Variants in DLGAP2 observed in about 807,000 individuals in gnomAD.
DLGAP2 encodes DLG associated protein 2, also known as disks large-associated protein 2.
A neutral mutation model predicts 100.3 loss-of-function variants in DLGAP2; 26 were observed. That is an observed-to-expected ratio of 0.26 (90% confidence interval 0.19 to 0.36). DLGAP2 has a LOEUF of 0.36. DLGAP2 is among the 10% of genes least tolerant of loss of function. The pLI is 1.00. For missense variants in DLGAP2, 1,858 were observed against 1,453.2 expected (o/e 1.28, Z -4.53); for synonymous variants, 886 against 630.1 (o/e 1.41, Z -6.08).
chr8:1,647,729 G>A (rs1016148113), intron 8 of DLGAP2, among the ~76,000 whole-genome samples: 1 of 152,070 alleles, frequency 6.6e-6, no homozygotes, highest in African/African-American at 2.4e-5. Context: ...CCCCTGCCGG[G>A]TCTCTCTCTC....
chr8:1,097,910 G>C (rs1235525489), intron 2 of DLGAP2, among the ~76,000 whole-genome samples: 1 of 152,212 alleles, frequency 6.6e-6, no homozygotes, highest in African/African-American at 2.4e-5. Flanking sequence ...GCGCTCAGGA[G>C]AGTCGAGCTG....
chr8:1,610,339 A>T (rs1796954278), intron 6 of DLGAP2, among the ~76,000 whole-genome samples: 1 of 151,926 alleles, frequency 6.6e-6, no homozygotes, highest in Admixed American at 6.6e-5. Flanking sequence ...TTTGAAACCA[A>T]CGAGAACAAA....
At chr8:950,725 A>G (rs1446336435) in intron 2 of DLGAP2, among the ~76,000 whole-genome samples, 2 of 148,150 alleles carry the variant, frequency 1.3e-5, no homozygotes, top group African/African-American at 5.0e-5. Context: ...GGGTTCAAGC[A>G]TTTCTCCTGC....
chr8:1,078,226 G>T (rs1020064381), intron 2 of DLGAP2, among the ~76,000 whole-genome samples: 3 of 152,250 alleles, frequency 2.0e-5, no homozygotes, highest in East Asian at 1.9e-4. Flanking sequence ...AAGAACAGTG[G>T]CTTGCACTGT....
chr8:1,640,398 C>T (rs970764950), intron 8 of DLGAP2, among the ~76,000 whole-genome samples: 17 of 152,168 alleles, frequency 1.1e-4, no homozygotes, highest in African/African-American at 4.1e-4. Flanking sequence ...ACGTCTCCAA[C>T]CCCGCAGCAC....
chr8:753,152 C>T (rs1471909795), intron 1 of DLGAP2, among the ~76,000 whole-genome samples: 1 of 152,164 alleles, frequency 6.6e-6, no homozygotes, highest in Non-Finnish European at 1.5e-5. Context: ...ACTGGTGGGA[C>T]GCAGACCTGA....
intron 2 of DLGAP2, among the ~76,000 whole-genome samples, chr8:1,237,018 C>G (rs1423407226): frequency 1.3e-4 from 19 of 149,150 alleles, no homozygotes; most frequent in African/African-American, 4.7e-4. Flanking sequence ...CTAGTTCTGT[C>G]TCACACAGAG....
intron 4 of DLGAP2, among the ~76,000 whole-genome samples, chr8:1,525,104 A>G (rs1229879729): frequency 2.0e-5 from 3 of 150,480 alleles, no homozygotes. Context: ...TCCTTTTTGT[A>G]CAGCTTCTGG....
chr8:1,112,967 TC>T (rs1001706630), intron 2 of DLGAP2, among the ~76,000 whole-genome samples: 2 of 152,198 alleles, frequency 1.3e-5, no homozygotes, highest in African/African-American at 4.8e-5. Context: ...GGGAGTCTTT[TC>T]CCCATTAATT....
chr8:1,210,881 C>G (rs1240317136), intron 2 of DLGAP2, among the ~76,000 whole-genome samples: 3 of 152,208 alleles, frequency 2.0e-5, no homozygotes, highest in Non-Finnish European at 4.4e-5. Context: ...AGATCCTCTG[C>G]CAGTCTGGGC....
chr8:1,661,308 A>G (rs575998559), intron 8 of DLGAP2, among the ~76,000 whole-genome samples: 24 of 152,264 alleles, frequency 1.6e-4, no homozygotes, highest in Middle Eastern at 3.4e-3. Flanking sequence ...CCTGTTCTCC[A>G]TGGCCTCTAC....
chr8:1,267,637 G>GAAATCAAA (rs1382093781), intron 3 of DLGAP2, among the ~76,000 whole-genome samples: 1,532 of 91,928 alleles, frequency 0.017, 217 homozygotes, highest in African/African-American at 0.058. Context: ...TATTAAATAG[G>GAAATCAAA]TCTACAAAAA....
chr8:1,676,874 G>T (rs142842839), intron 11 of DLGAP2, among the ~76,000 whole-genome samples: 2 of 152,228 alleles, frequency 1.3e-5, no homozygotes, highest in African/African-American at 4.8e-5. Flanking sequence ...CTGACGGCCT[G>T]AAAGTCAGAG....
chr8:923,133 A>G lies in DLGAP2; in HGVS notation c.73+15167A>G, dbSNP rs369036920. 1.1e-4 allele frequency among the ~76,000 whole-genome samples: 17 copies of G among 152,300 alleles called. No homozygotes were observed. The South Asian group carries it at 3.3e-3, about 30-fold the overall frequency. ...TACGGAACAAGTTACTAGGTAGCAAACCACAGGTTATCCGGGCTGTGTCAT... is the reference window on the plus strand; with the variant it reads ...TACGGAACAAGTTACTAGGTAGCAAGCCACAGGTTATCCGGGCTGTGTCAT... On this transcript the variant is annotated intron_variant, in intron 2 of 14. Transcript: ENST00000637795.
At chr8:829,078 T>A (rs1389724202) in intron 1 of DLGAP2, among the ~76,000 whole-genome samples, 1 of 152,224 alleles carries the variant, frequency 6.6e-6, no homozygotes, top group African/African-American at 2.4e-5. Context: ...TGAGTCCAAT[T>A]TGGTTTCATT....
intron 1 of DLGAP2, among the ~76,000 whole-genome samples, chr8:857,399 A>T (rs1268785919): frequency 6.6e-6 from 1 of 152,234 alleles, no homozygotes; most frequent in Non-Finnish European, 1.5e-5. Context: ...GGAACAACAA[A>T]GTCCAGACCG....
intron 6 of DLGAP2, among the ~76,000 whole-genome samples, chr8:1,624,203 T>G (rs907909462): frequency 6.6e-6 from 1 of 152,152 alleles, no homozygotes; most frequent in Non-Finnish European, 1.5e-5. Flanking sequence ...GAACGGCTGT[T>G]GTATTGGAAG....
intron 2 of DLGAP2, among the ~76,000 whole-genome samples, chr8:1,065,536 C>T (rs866426990): frequency 6.6e-6 from 1 of 152,206 alleles, no homozygotes; most frequent in Admixed American, 6.5e-5. Flanking sequence ...GTACAACATC[C>T]TCTAAACCAG....
intron 3 of DLGAP2, among the ~76,000 whole-genome samples, chr8:1,372,363 C>A (rs181894250): frequency 6.6e-6 from 1 of 152,338 alleles, no homozygotes; most frequent in East Asian, 1.9e-4. Context: ...CCAACACTTA[C>A]CGAGGGCCGA....
Sources: allele counts gnomAD v4.1 joint callset (sites outside exome capture counted in the v4.1 genomes callset), GRCh38; gene constraint gnomAD v4.1.1; transcripts MANE v1.5; gene names NCBI Gene and HGNC (gene_info 2026-07-23, HGNC 2026-07-21).